PKP1: variants seen among roughly 807,000 people sequenced by gnomAD.
PKP1 encodes the protein plakophilin-1.
PKP1 carries 27 observed loss-of-function variants against 76.4 expected under a neutral mutation model. The observed-to-expected ratio is 0.35, with a 90% CI of 0.26 to 0.49. The LOEUF is 0.49. Ranked by LOEUF, PKP1 falls within the 20% of genes least tolerant of loss-of-function variation. PKP1 has a pLI of 0.99. For synonymous variants in PKP1, 404 were observed against 384.2 expected (o/e 1.05, Z -0.60); for missense variants, 964 against 955.2 (o/e 1.01, Z -0.12).
In PKP1 at chr1:201,288,367, A is replaced by T. The variant is rs115838971; in HGVS notation, c.202+4463A>T. ...TCGTAAACATCCTAACATATTAAAA[A>T]GTCTTCTCATCCACTCTTCTCAAAC... is the stretch of plus-strand genomic sequence containing the variant. On this transcript the variant is annotated intron_variant, in intron 1 of 13. Coordinates refer to ENST00000367324, the MANE Select transcript of PKP1 (RefSeq NM_001005337.3). 2.7e-3 allele frequency among the ~76,000 whole-genome samples: 413 copies of T among 152,342 alleles called. 4 individuals carry two copies. The highest frequency in any genetic ancestry group is 9.4e-3 in the African/African-American group (389 of 41,580).
At chr1:201,295,173 A>G (rs1656036932) in intron 2 of PKP1, among the ~76,000 whole-genome samples, 1 of 152,086 alleles carries the variant, frequency 6.6e-6, no homozygotes, top group Admixed American at 6.6e-5. Flanking sequence ...TGACTGTCAA[A>G]GGTCCTGGGT....
At chr1:201,292,334 T>C (rs959641870) in intron 1 of PKP1, among the ~76,000 whole-genome samples, 2 of 152,124 alleles carry the variant, frequency 1.3e-5, no homozygotes, top group African/African-American at 4.8e-5. Context: ...AAGAGGACAC[T>C]GAGGCTCAGA....
At chr1:201,298,394 A>T (rs915765289) in intron 2 of PKP1, among the ~76,000 whole-genome samples, 5 of 151,900 alleles carry the variant, frequency 3.3e-5, no homozygotes, top group Non-Finnish European at 5.9e-5. Flanking sequence ...TTAAGATGAC[A>T]CTCCTTTTGT....
rs759291289 is a variant in PKP1 at position 201,289,087 on chromosome 1, G to A, written c.203-4855G>A. On this transcript the variant is annotated intron_variant, in intron 1 of 13. Coordinates refer to ENST00000367324, the MANE Select transcript of PKP1 (RefSeq NM_001005337.3). Reference sequence around the variant, plus strand: ...GGGAGGCATGTCCACGGTGCTCCCAGCAGCCCAGCAGAGGGGGCAGGAGGC... The same window carrying A: ...GGGAGGCATGTCCACGGTGCTCCCAACAGCCCAGCAGAGGGGGCAGGAGGC... Among the ~76,000 whole-genome samples the A allele has an allele frequency of 2.6e-5, 4 of 152,338 alleles. No individual in the cohort carries two copies. The South Asian group carries it at 8.3e-4, about 32-fold the overall frequency.
intron 1 of PKP1, among the ~76,000 whole-genome samples, chr1:201,288,110 C>A (rs1250649831): frequency 6.6e-6 from 1 of 152,168 alleles, no homozygotes; most frequent in Non-Finnish European, 1.5e-5. Context: ...GTGTCAGGAG[C>A]CCAGCCTGGC....
At chr1:201,293,898 A>C in intron 1 of PKP1, 44 bp from the exon 2 acceptor site, 1 of 1,293,904 alleles carries the variant, frequency 7.7e-7, no homozygotes, top group Non-Finnish European at 1.1e-6. Flanking sequence ...GGGTGGATGA[A>C]GATCATGGCC....
In PKP1 at chr1:201,313,041, C is replaced by T. The variant is rs541038698; in HGVS notation, c.307-125C>T. On this transcript the variant is annotated intron_variant, in intron 2 of 13. Coordinates refer to ENST00000367324, the MANE Select transcript of PKP1 (RefSeq NM_001005337.3). Reference sequence around the variant, plus strand: ...GATGATGGCTCAGGTTCCTTCCACGCCAAACATTCTGGGATTCTGTAAGCG... The same window carrying T: ...GATGATGGCTCAGGTTCCTTCCACGTCAAACATTCTGGGATTCTGTAAGCG... 1.2e-3 allele frequency: 1,200 copies of T among 1,040,064 alleles called. 4 individuals are homozygous for T. The highest frequency in any genetic ancestry group is 1.6e-3 in the Non-Finnish European group (1,085 of 686,674). The allele number at this position is 1,040,064 out of a possible 1,614,324, so 64.4% of individuals were successfully genotyped here.
rs143092948 is a variant in PKP1, at chr1:201,317,632, G to T, written c.907G>T (p.Val303Phe). Residue 303 changes from valine (V) to phenylalanine (F), a missense_variant, in exon 5 of 14, where the codon GTC (valine) becomes TTC (phenylalanine). Coordinates refer to ENST00000367324, the MANE Select transcript of PKP1 (RefSeq NM_001005337.3). ...CCTCCTCCGCAGCCCCAACCAGAAC[G>T]TCCAGCAGGCCGCGGCAGGGGCCCT... is the stretch of plus-strand genomic sequence containing the variant. ...VDLLRSPNQN[V>F]QQAAAGALRN... The T allele has an allele frequency of 6.2e-7, 1 of 1,614,056 alleles. No individual in the cohort carries two copies. Among genetic ancestry groups the T allele is most frequent in the Non-Finnish European group, 8.5e-7 (1 of 1,180,024 alleles).
At chr1:201,287,310 T>G (rs1387254629) in intron 1 of PKP1, among the ~76,000 whole-genome samples, 1 of 152,166 alleles carries the variant, frequency 6.6e-6, no homozygotes, top group Non-Finnish European at 1.5e-5. Context: ...GGGGCATGCT[T>G]GTACGAACTC....
chr1:201,318,876 GC>G, intron 6 of PKP1, 81 bp downstream of exon 6: 4 of 1,223,320 alleles, frequency 3.3e-6, no homozygotes, highest in Non-Finnish European at 3.5e-6. Context: ...CCAACATTCA[GC>G]CGGTGCATAG....
intron 8 of PKP1, among the ~76,000 whole-genome samples, chr1:201,322,440 C>A (rs1211764884): frequency 1.3e-5 from 2 of 152,202 alleles, no homozygotes; most frequent in Non-Finnish European, 2.9e-5. Flanking sequence ...AAGTCTCCCC[C>A]ATCTTCTCCC....
intron 1 of PKP1, among the ~76,000 whole-genome samples, chr1:201,290,568 T>C (rs1655883339): frequency 6.6e-6 from 1 of 152,070 alleles, no homozygotes; most frequent in South Asian, 2.1e-4. Context: ...CTCTTCCTGG[T>C]TTACCCCACT....
chr1:201,285,264 A>G (rs984708757), intron 1 of PKP1, among the ~76,000 whole-genome samples: 2 of 102,988 alleles, frequency 1.9e-5, no homozygotes, highest in Non-Finnish European at 4.3e-5. Context: ...ACACACACAC[A>G]CCTCACACTT....
intron 1 of PKP1, among the ~76,000 whole-genome samples, chr1:201,291,571 G>A (rs945591169): frequency 7.2e-5 from 11 of 152,140 alleles, no homozygotes; most frequent in African/African-American, 2.2e-4. Flanking sequence ...CCCAGAAGAC[G>A]GGCAAGAAGG....
At chr1:201,285,066 AG>A (rs150242048) in intron 1 of PKP1, among the ~76,000 whole-genome samples, 2,251 of 152,268 alleles carry the variant, frequency 0.015, 49 homozygotes, top group African/African-American at 0.048. Context: ...TATTTTATTT[AG>A]CTAAGTTTAG....
At chr1:201,316,456 A>T in intron 3 of PKP1, 97 bp from the exon 4 acceptor site, 1 of 1,315,864 alleles carries the variant, frequency 7.6e-7, no homozygotes, top group South Asian at 1.4e-5. Context: ...AGGGCAGATG[A>T]GGCTGTGGCA....
chr1:201,290,693 G>A (rs989033980), intron 1 of PKP1, among the ~76,000 whole-genome samples: 9 of 152,184 alleles, frequency 5.9e-5, no homozygotes, highest in East Asian at 1.9e-4. Flanking sequence ...GGTCATTGAC[G>A]CAAAGAGCCA....
At chr1:201,294,074 C>T in intron 2 of PKP1, 29 bp downstream of exon 2, 1 of 1,445,710 alleles carries the variant, frequency 6.9e-7, no homozygotes. Flanking sequence ...CCTAAAAGAC[C>T]TGGAGTACTT....
At chr1:201,319,661 A>G (rs547418493) in intron 6 of PKP1, among the ~76,000 whole-genome samples, 2 of 152,284 alleles carry the variant, frequency 1.3e-5, no homozygotes, top group East Asian at 3.9e-4. Flanking sequence ...TGATGAGCCC[A>G]CATTGCTTGG....
Sources: gnomAD v4.1 joint callset for allele counts (sites outside exome capture counted in the v4.1 genomes callset) on GRCh38, gnomAD v4.1.1 for gene constraint, MANE v1.5 for transcripts, NCBI Gene and HGNC (gene_info 2026-07-23, HGNC 2026-07-21) for gene names.